Variants in ODAD2 observed in about 807,000 individuals in gnomAD.
ODAD2 encodes outer dynein arm docking complex subunit 2, also known as outer dynein arm-docking complex subunit 2.
In ODAD2, 89 loss-of-function variants were observed where a neutral mutation model predicts 106.8. The ratio of observed to expected loss-of-function variants is 0.83; its 90% CI spans 0.70 to 0.99. ODAD2 has a LOEUF of 0.99. ODAD2 is among the 50% of genes least tolerant of loss of function. The pLI is 0.00. For synonymous variants in ODAD2, 404 were observed against 436.2 expected (o/e 0.93, Z 0.92); for missense variants, 1,168 against 1,238.5 (o/e 0.94, Z 0.85).
chr10:27,987,280 A>C, intron 3 of ODAD2, 106 bp downstream of exon 3: 1 of 1,000,154 alleles, frequency 1.0e-6, no homozygotes, highest in South Asian at 2.0e-5. Context: ...TAGATTGTAG[A>C]ATCTTTTTCA....
At chr10:27,870,868 C>T (rs972310664) in intron 17 of ODAD2, among the ~76,000 whole-genome samples, 1 of 152,050 alleles carries the variant, frequency 6.6e-6, no homozygotes, top group African/African-American at 2.4e-5. Context: ...GGGTATATAC[C>T]CAGTAATGGG....
At chr10:27,971,600 C>T (rs1408358762) in intron 7 of ODAD2, among the ~76,000 whole-genome samples, 1 of 152,132 alleles carries the variant, frequency 6.6e-6, no homozygotes, top group African/African-American at 2.4e-5. Context: ...AACCAAAACC[C>T]TCTATTGACT....
rs772185029 is a variant in ODAD2 at position 27,935,115 on chromosome 10, C to A, written c.2390G>T (p.Gly797Val). The A allele has an allele frequency of 6.2e-6, 10 of 1,613,980 alleles. No individual in the cohort carries two copies. The South Asian group carries it at 1.1e-4, about 18-fold the overall frequency. ...GAGGTTCACAAGTGGTTGAATGCCA[C>A]CACATTTCCGGACAATGACTCGGTT... ...RENRVIVRKCGGIQPLVNLLV... is the reference protein window; with the variant it reads ...RENRVIVRKCVGIQPLVNLLV... Residue 797 changes from glycine to valine, a missense_variant, in exon 16 of 20, where the codon GGT becomes GTT. By Grantham distance (109) the Gly-to-Val change is moderately radical (BLOSUM62 -3). Around this residue, in one of 3 missense-constraint regions of ODAD2, gnomAD observed 701 missense variants for 712.3 expected, o/e 0.98. Transcript: ENST00000305242.
intron 16 of ODAD2, among the ~76,000 whole-genome samples, chr10:27,929,395 T>C (rs1032834937): frequency 9.2e-5 from 14 of 152,294 alleles, no homozygotes; most frequent in Non-Finnish European, 1.6e-4. Flanking sequence ...GACTTTGTTT[T>C]GATTTTTGTC....
chr10:27,955,226 T>C (rs1427153215), intron 10 of ODAD2, among the ~76,000 whole-genome samples: 7 of 152,186 alleles, frequency 4.6e-5, no homozygotes, highest in African/African-American at 1.7e-4. Context: ...TGCCATCACA[T>C]TCTTTTCCAT....
intron 16 of ODAD2, among the ~76,000 whole-genome samples, chr10:27,930,736 G>T (rs1245329913): frequency 6.6e-6 from 1 of 152,126 alleles, no homozygotes; most frequent in Non-Finnish European, 1.5e-5. Flanking sequence ...CTTTAAGGAA[G>T]TTACTTGAAT....
chr10:27,992,317 G>A (rs1850282662), intron 2 of ODAD2, among the ~76,000 whole-genome samples: 1 of 152,130 alleles, frequency 6.6e-6, no homozygotes, highest in Non-Finnish European at 1.5e-5. Flanking sequence ...TAGTAAATAT[G>A]ACAGAAGTAT....
At chr10:27,861,453 C>G (rs74615946) in intron 18 of ODAD2, among the ~76,000 whole-genome samples, 10 of 152,142 alleles carry the variant, frequency 6.6e-5, no homozygotes, top group Admixed American at 5.2e-4. Context: ...TACTACACAA[C>G]GCAAAATTAC....
At chr10:27,977,511 G>A (rs1193811409) in intron 7 of ODAD2, among the ~76,000 whole-genome samples, 3 of 151,862 alleles carry the variant, frequency 2.0e-5, no homozygotes, top group East Asian at 1.9e-4. Context: ...AGCTTGCAAC[G>A]AGCCAAGATC....
intron 19 of ODAD2, among the ~76,000 whole-genome samples, chr10:27,856,499 A>G (rs763449639): frequency 6.6e-6 from 1 of 152,156 alleles, no homozygotes; most frequent in Non-Finnish European, 1.5e-5. Context: ...GAAAATGTAG[A>G]TATTTCCCAG....
At chr10:27,880,535 G>T (rs1351838281) in intron 17 of ODAD2, among the ~76,000 whole-genome samples, 1 of 152,118 alleles carries the variant, frequency 6.6e-6, no homozygotes, top group Non-Finnish European at 1.5e-5. Context: ...AAACTTAATT[G>T]CCTATGTAGT....
intron 17 of ODAD2, chr10:27,904,473 C>T (rs1843442137): frequency 6.6e-6 from 1 of 152,378 alleles, no homozygotes; most frequent in Admixed American, 6.5e-5. Flanking sequence ...GAGACTCCAT[C>T]TCAATAAATA....
chr10:27,948,779 A>ATTTTTT (rs11451204), intron 10 of ODAD2, among the ~76,000 whole-genome samples: 14 of 40,322 alleles, frequency 3.5e-4, no homozygotes, highest in African/African-American at 7.2e-4. Context: ...TGGCCTTTGG[A>ATTTTTT]TTTTTTTTTT....
intron 19 of ODAD2, among the ~76,000 whole-genome samples, chr10:27,847,532 C>T (rs1252866658): frequency 1.3e-5 from 2 of 152,044 alleles, no homozygotes; most frequent in East Asian, 3.9e-4. Flanking sequence ...TGCCCTCTCT[C>T]ACCCCTGCTA....
intron 10 of ODAD2, among the ~76,000 whole-genome samples, chr10:27,954,937 T>C (rs1408415172): frequency 6.6e-6 from 1 of 152,222 alleles, no homozygotes; most frequent in Admixed American, 6.5e-5. Flanking sequence ...TAAATGCAGA[T>C]TCTGAGTAGG....
intron 16 of ODAD2, among the ~76,000 whole-genome samples, chr10:27,926,145 A>G (rs1845246131): frequency 6.6e-6 from 1 of 152,122 alleles, no homozygotes; most frequent in South Asian, 2.1e-4. Flanking sequence ...TCAACTTTGC[A>G]GTTGTAGCAC....
chr10:27,843,403 G>A (rs1838458403), intron 19 of ODAD2, among the ~76,000 whole-genome samples: 1 of 152,124 alleles, frequency 6.6e-6, no homozygotes, highest in Non-Finnish European at 1.5e-5. Flanking sequence ...GCATAACTGG[G>A]TAAAAAAGCA....
chr10:27,896,485 T>G (rs938871847), intron 17 of ODAD2, among the ~76,000 whole-genome samples: 6 of 152,198 alleles, frequency 3.9e-5, no homozygotes, highest in African/African-American at 1.2e-4. Flanking sequence ...GATAGAGAGA[T>G]AGATAAGCAG....
At chr10:27,988,152 G>A (rs1176955836) in intron 2 of ODAD2, among the ~76,000 whole-genome samples, 2 of 151,482 alleles carry the variant, frequency 1.3e-5, no homozygotes, top group African/African-American at 4.9e-5. Context: ...GAGTCTCCTA[G>A]CTTTGTGTTT....
Sources: gnomAD v4.1 joint callset for allele counts (sites outside exome capture counted in the v4.1 genomes callset) on GRCh38, gnomAD v4.1.1 for gene constraint, gnomAD v4.1.1 regional missense constraint, MANE v1.5 for transcripts, NCBI Gene and HGNC (gene_info 2026-07-23, HGNC 2026-07-21) for gene names.